EXD2: variants seen among roughly 807,000 people sequenced by gnomAD.
EXD2 encodes the protein exonuclease 3'-5' domain-containing protein 2.
In EXD2, 40 loss-of-function variants were observed where a neutral mutation model predicts 62.5. The observed-to-expected ratio is 0.64, with a 90% CI of 0.50 to 0.83. The LOEUF is 0.83. Ranked by LOEUF, EXD2 falls within the 40% of genes least tolerant of loss-of-function variation. The pLI, the probability that EXD2 is intolerant of heterozygous loss-of-function variation, is 0.00. For missense variants in EXD2, 671 were observed against 761.8 expected, an observed-to-expected ratio of 0.88 and a Z score of 1.40; for synonymous variants, 239 against 291.9, an observed-to-expected ratio of 0.82 and a Z score of 1.85.
Position 69,228,847 on chromosome 14 carries a change from C to G in EXD2, c.365C>G (p.Ser122Ter). Residue 122 changes from serine to a stop codon, truncating the protein, a stop_gained, in exon 4 of 10, where the codon TCA becomes TGA. Transcript: ENST00000685843. LOFTEE classifies it high-confidence loss of function. Reference protein sequence around the residue: ...VNLEGKASPLSLLQMASPSGL... With the variant: ...VNLEGKASPL ...TTGGAAGGCAAAGCCAGCCCTCTGTCACTTCTACAAATGGCCTCCCCAAGT... is the reference window on the plus strand; with the variant it reads ...TTGGAAGGCAAAGCCAGCCCTCTGTGACTTCTACAAATGGCCTCCCCAAGT... 6.2e-7 allele frequency: 1 copy of G among 1,614,022 alleles called. No homozygotes were observed. Among genetic ancestry groups the G allele is most frequent in the Non-Finnish European group, 8.5e-7 (1 of 1,179,984 alleles).
Position 69,241,157 on chromosome 14 carries a change from C to T in EXD2, c.*57C>T. ...GAAGCTGGAGCCAAGGTTGAAGAGT[C>T]ACCTCTTCCCATTTTAGTACATCAT... On this transcript the variant is annotated 3_prime_UTR_variant, in exon 10 of 10. Transcript: ENST00000685843. 1.4e-6 allele frequency: 2 copies of T among 1,407,404 alleles called. No homozygotes were observed. The highest frequency in any genetic ancestry group is 2.0e-6 in the Non-Finnish European group (2 of 1,013,744). 87.2% of individuals were successfully genotyped at this position (1,407,404 alleles called of 1,614,324 possible).
chr14:69,228,740 T>G (rs1401547706), intron 3 of EXD2, 76 bp from the exon 4 acceptor site: 3 of 1,526,908 alleles, frequency 2.0e-6, no homozygotes, highest in South Asian at 1.2e-5. Flanking sequence ...CCTCTTAGAC[T>G]TTTTTGTCAC....
At chr14:69,221,373 T>A (rs541504717) in intron 3 of EXD2, among the ~76,000 whole-genome samples, 12 of 152,356 alleles carry the variant, frequency 7.9e-5, no homozygotes, top group Admixed American at 1.3e-4. Context: ...TCTTGAATAG[T>A]TATAGAGCTA....
At chr14:69,236,178 A>G (rs1188487855) in intron 7 of EXD2, 26 bp downstream of exon 7, 6 of 1,591,072 alleles carry the variant, frequency 3.8e-6, no homozygotes, top group Non-Finnish European at 5.2e-6. Context: ...GTCCTTGTTT[A>G]TCTCTAATTA....
Position 69,238,010 on chromosome 14 carries a change from G to T in EXD2, c.1649+79G>T, listed in dbSNP as rs1031653398. 3.8e-6 allele frequency: 5 copies of T among 1,303,400 alleles called. No homozygotes were observed. The African/African-American group carries it at 4.5e-5, about 12-fold the overall frequency. The allele number at this position is 1,303,400 out of a possible 1,614,324, so 80.7% of individuals were successfully genotyped here. On this transcript the variant is annotated intron_variant, in intron 9 of 9. Transcript: ENST00000685843. ...AGTGAGAATGCTTGCCAGGGAGGGG[G>T]CATTGGCTGCTTAGGCACAGTGCCT...
At position 69,209,780 on chromosome 14, in the gene EXD2, G is replaced by A; in HGVS notation, c.310G>A (p.Val104Ile). Residue 104 changes from valine (V) to isoleucine (I), a missense_variant, in exon 3 of 10, where the codon GTA (valine) becomes ATA (isoleucine). Coordinates refer to ENST00000685843, the MANE Select transcript of EXD2 (RefSeq NM_001193360.2). The stretch of plus-strand genomic sequence containing the variant: ...TAGAAGTGAATTAGAAGATTTTCCA[G>A]TACTTGGAATTGACTGTGAGTGGGT... ...LLRSELEDFP[V>I]LGIDCEWVNL... 2 of 1,469,072 alleles carry A rather than the reference G, an allele frequency of 1.4e-6. No individual in the cohort carries two copies. Among genetic ancestry groups the A allele is most frequent in the Non-Finnish European group, 1.8e-6 (2 of 1,102,354 alleles). The allele number at this position is 1,469,072 out of a possible 1,614,324, so 91.0% of individuals were successfully genotyped here.
At chr14:69,226,413 G>A (rs139731114) in intron 3 of EXD2, among the ~76,000 whole-genome samples, 151 of 152,290 alleles carry the variant, frequency 9.9e-4, no homozygotes, top group African/African-American at 3.4e-3. Context: ...TAAGTCTTTT[G>A]TGAGTTAGAT....
At chr14:69,227,156 G>C (rs1328296080) in intron 3 of EXD2, among the ~76,000 whole-genome samples, 1 of 152,146 alleles carries the variant, frequency 6.6e-6, no homozygotes, top group Non-Finnish European at 1.5e-5. Context: ...ATTGTAGGAT[G>C]TTTAGCAGCC....
At chr14:69,217,537 A>G (rs953795887) in intron 3 of EXD2, among the ~76,000 whole-genome samples, 6 of 150,576 alleles carry the variant, frequency 4.0e-5, no homozygotes, top group African/African-American at 1.5e-4. Flanking sequence ...TATATATCAC[A>G]TTTTCTTTTT....
intron 3 of EXD2, among the ~76,000 whole-genome samples, chr14:69,218,203 C>T (rs2043049899): frequency 6.6e-6 from 1 of 152,126 alleles, no homozygotes; most frequent in Admixed American, 6.5e-5. Flanking sequence ...CCTGTTGTTT[C>T]CTGACTTTTT....
At chr14:69,192,739 G>T (rs1381096643) in intron 1 of EXD2, among the ~76,000 whole-genome samples, 1 of 152,110 alleles carries the variant, frequency 6.6e-6, no homozygotes, top group East Asian at 1.9e-4. Context: ...CATGTTTTAT[G>T]CATTACACAA....
intron 3 of EXD2, among the ~76,000 whole-genome samples, chr14:69,224,591 G>C (rs181260037): frequency 6.6e-6 from 1 of 152,118 alleles, no homozygotes; most frequent in African/African-American, 2.4e-5. Context: ...TCTTGTGCAT[G>C]TACAATCCTT....
rs1300421953 is a variant in EXD2, at chr14:69,234,994, CAT to C, written c.1014_1015del (p.His338GlnfsTer18). ...GNHQGRDPRK[H>X]KRKPLGVGYS... ...CCACCAAGGGAGAGACCCCAGAAAA[CAT>C]AAAAGAAAGCCTCTGGGGGTGGGCT... On this transcript the variant is annotated frameshift_variant, in exon 6 of 10. Coordinates refer to ENST00000685843, the MANE Select transcript of EXD2 (RefSeq NM_001193360.2). LOFTEE classifies it high-confidence loss of function. 1 of 1,606,922 alleles carries C rather than the reference CAT, an allele frequency of 6.2e-7. No individual in the cohort carries two copies. Among genetic ancestry groups the C allele is most frequent in the Non-Finnish European group, 8.5e-7 (1 of 1,177,494 alleles).
chr14:69,225,561 G>C (rs2043329429), intron 3 of EXD2, among the ~76,000 whole-genome samples: 1 of 152,074 alleles, frequency 6.6e-6, no homozygotes, highest in Non-Finnish European at 1.5e-5. Context: ...AATATATATA[G>C]TATATGTCTC....
At chr14:69,220,253 G>GTTCTTTT (rs2043126425) in intron 3 of EXD2, among the ~76,000 whole-genome samples, 1 of 35,094 alleles carries the variant, frequency 2.8e-5, no homozygotes. Flanking sequence ...TTGTCTCTCT[G>GTTCTTTT]TTTTTTTTTT....
In EXD2 at chr14:69,241,096, C is replaced by T. The variant is rs2140060667; in HGVS notation, c.1862C>T (p.Ser621Phe). 1 of 1,612,004 alleles carries T rather than the reference C, an allele frequency of 6.2e-7. No homozygotes were observed. The highest frequency in any genetic ancestry group is 1.1e-5 in the South Asian group (1 of 90,962). ...GGGGAAGATCTTCCCATCCAGCTGTCTTGATAGCTGCTTTCCTCCCAGTTA... is the reference window on the plus strand; with the variant it reads ...GGGGAAGATCTTCCCATCCAGCTGTTTTGATAGCTGCTTTCCTCCCAGTTA... ...KFGEDLPIQL[S>F] Residue 621 changes from serine (S) to phenylalanine (F), a missense_variant, in exon 10 of 10, where the codon TCT becomes TTT. Coordinates refer to ENST00000685843, the MANE Select transcript of EXD2 (RefSeq NM_001193360.2).
At chr14:69,196,471 G>A (rs1013364537) in intron 1 of EXD2, among the ~76,000 whole-genome samples, 5 of 152,164 alleles carry the variant, frequency 3.3e-5, no homozygotes, top group South Asian at 2.1e-4. Context: ...ACTTTAGTAC[G>A]GACATGTGTT....
At chr14:69,228,187 T>C (rs1256616944) in intron 3 of EXD2, among the ~76,000 whole-genome samples, 4 of 13,372 alleles carry the variant, frequency 3.0e-4, no homozygotes, top group Non-Finnish European at 3.3e-4. Flanking sequence ...TCCTTAGCCT[T>C]TTTTTTTTTT....
chr14:69,236,464 C>G lies in EXD2; in HGVS notation c.1214C>G (p.Pro405Arg). The G allele has an allele frequency of 6.2e-7, 1 of 1,614,054 alleles. No individual in the cohort carries two copies. The change falls in exon 8 of 10, where the codon CCC becomes CGC. Residue 405 changes from proline to arginine, a missense_variant. Pro to Arg is a moderately radical substitution (Grantham distance 103, BLOSUM62 -2). Transcript: ENST00000685843. ...CTACGGTTTGAACCTGCAGGAAGGC[C>G]CGAATCTCCTGGAGACTATTACTTG... is the stretch of plus-strand genomic sequence containing the variant. ...VKLRFEPAGR[P>R]ESPGDYYLMV...
Sources: gnomAD v4.1 joint callset for allele counts (sites outside exome capture counted in the v4.1 genomes callset) on GRCh38, gnomAD v4.1.1 for gene constraint, MANE v1.5 for transcripts, NCBI Gene and HGNC (gene_info 2026-07-23, HGNC 2026-07-21) for gene names.